Variants in FANCC observed in about 807,000 individuals in gnomAD.
FANCC encodes the protein Fanconi anemia group C protein.
FANCC carries 55 observed loss-of-function variants against 71.3 expected under a neutral mutation model. That is an observed-to-expected ratio of 0.77 (90% CI 0.62 to 0.97). The LOEUF (loss-of-function observed/expected upper bound fraction) is 0.97, where lower values mean the gene tolerates loss of function less well. Among genes scored for constraint, FANCC ranks in the 50% least tolerant of loss-of-function variants. FANCC has a pLI of 0.00. For missense variants in FANCC, 678 were observed against 670.9 expected (o/e 1.01, Z -0.12); for synonymous variants, 275 against 244.9 (o/e 1.12, Z -1.15).
rs568423632 is a variant in FANCC, at chr9:95,215,268, A to G, written c.345+25381T>C. ...GTAAAAGAATTAAATTCCTAAAAACAAGAGCCTCTCTTAGGGGAGCAGAGA... is the reference window on the plus strand; with the variant it reads ...GTAAAAGAATTAAATTCCTAAAAACGAGAGCCTCTCTTAGGGGAGCAGAGA... On this transcript the variant is annotated intron_variant, in intron 4 of 14. Coordinates refer to ENST00000289081, the MANE Select transcript of FANCC (RefSeq NM_000136.3). 3.3e-5 allele frequency among the ~76,000 whole-genome samples: 5 copies of G among 152,276 alleles called. No homozygotes were observed. The East Asian group carries it at 9.7e-4, about 29-fold the overall frequency.
At chr9:95,254,850 C>A (rs1429150235) in intron 1 of FANCC, among the ~76,000 whole-genome samples, 1 of 152,208 alleles carries the variant, frequency 6.6e-6, no homozygotes, top group Non-Finnish European at 1.5e-5. Context: ...GCTGCCAGCA[C>A]AGCAGTCTGA....
intron 1 of FANCC, among the ~76,000 whole-genome samples, chr9:95,264,890 G>A: frequency 6.6e-6 from 1 of 151,832 alleles, no homozygotes; most frequent in East Asian, 1.9e-4. Flanking sequence ...CTTGATGAAA[G>A]CCTGATAACT....
chr9:95,257,255 C>G (rs910475138), intron 1 of FANCC, among the ~76,000 whole-genome samples: 2 of 152,216 alleles, frequency 1.3e-5, no homozygotes, highest in African/African-American at 4.8e-5. Context: ...CCACATCACA[C>G]TTCTGTTAAA....
At chr9:95,151,935 A>AC (rs1554839029) in intron 6 of FANCC, among the ~76,000 whole-genome samples, 2 of 151,820 alleles carry the variant, frequency 1.3e-5, no homozygotes, top group African/African-American at 4.8e-5. Flanking sequence ...CTCAAAAAAA[A>AC]AAAAACAAAA....
intron 1 of FANCC, among the ~76,000 whole-genome samples, chr9:95,280,856 A>T (rs1045689880): frequency 6.6e-6 from 1 of 152,226 alleles, no homozygotes; most frequent in Non-Finnish European, 1.5e-5. Flanking sequence ...AGAGAGATTG[A>T]AATAATTTTT....
intron 4 of FANCC, among the ~76,000 whole-genome samples, chr9:95,215,629 A>G (rs1056380477): frequency 6.6e-6 from 1 of 152,206 alleles, no homozygotes; most frequent in African/African-American, 2.4e-5. Context: ...AGGATAGGTT[A>G]CAAAAGGCTA....
chr9:95,183,757 G>A (rs1025432869), intron 4 of FANCC, among the ~76,000 whole-genome samples: 5 of 152,154 alleles, frequency 3.3e-5, no homozygotes, highest in Non-Finnish European at 5.9e-5. Context: ...CATCCAGGAC[G>A]GACAGGAAAA....
intron 4 of FANCC, among the ~76,000 whole-genome samples, chr9:95,227,834 G>A (rs1437932074): frequency 1.3e-5 from 2 of 152,156 alleles, no homozygotes; most frequent in Admixed American, 6.5e-5. Flanking sequence ...CAAGAAGAAC[G>A]TTTCTAGCTA....
chr9:95,265,593 T>TA (rs1832339912), intron 1 of FANCC, among the ~76,000 whole-genome samples: 1 of 152,206 alleles, frequency 6.6e-6, no homozygotes, highest in African/African-American at 2.4e-5. Context: ...TCACTTCACT[T>TA]ACCTGACAGT....
intron 6 of FANCC, 30 bp from the exon 7 acceptor site, chr9:95,150,117 A>T (rs375740469): frequency 6.2e-7 from 1 of 1,612,628 alleles, no homozygotes; most frequent in Non-Finnish European, 8.5e-7. Context: ...TAATCACTCA[A>T]ATCTAAGAGC....
In FANCC at chr9:95,272,240, G is replaced by A. The variant is rs527780198; in HGVS notation, c.-78-22871C>T. On this transcript the variant is annotated intron_variant, in intron 1 of 14. Transcript: ENST00000289081. Reference sequence around the variant, plus strand: ...GTCACAAGCCACCGCGCCCGGCCCCGCCTCCTCTTTTTTATTGAGGCAACA... The same window carrying A: ...GTCACAAGCCACCGCGCCCGGCCCCACCTCCTCTTTTTTATTGAGGCAACA... Among the ~76,000 whole-genome samples the A allele has an allele frequency of 5.2e-4, 79 of 151,740 alleles. 1 individual carries two copies. Among genetic ancestry groups the A allele is most frequent in the Non-Finnish European group, 9.1e-4 (62 of 67,924 alleles).
chr9:95,102,420 G>C (rs1190448338), intron 14 of FANCC, among the ~76,000 whole-genome samples: 1 of 152,210 alleles, frequency 6.6e-6, no homozygotes, highest in Admixed American at 6.5e-5. Context: ...GTTGGTGCCT[G>C]TAAGTATTTT....
chr9:95,139,962 G>A (rs112306200), intron 7 of FANCC, among the ~76,000 whole-genome samples: 3,422 of 151,552 alleles, frequency 0.023, 141 homozygotes, highest in African/African-American at 0.079. Context: ...ATACGTTAGT[G>A]ACAGAAACGC....
intron 1 of FANCC, chr9:95,292,330 C>T: frequency 4.0e-6 from 3 of 757,108 alleles, no homozygotes; most frequent in Non-Finnish European, 4.9e-6. Flanking sequence ...GGCCGCCCTG[C>T]GGGAGCCATG....
intron 7 of FANCC, among the ~76,000 whole-genome samples, chr9:95,140,481 C>A (rs1588149662): frequency 7.4e-6 from 1 of 135,706 alleles, no homozygotes; most frequent in East Asian, 2.1e-4. Flanking sequence ...TACAAAAAAA[C>A]AAAACAAAAC....
intron 1 of FANCC, among the ~76,000 whole-genome samples, chr9:95,312,526 G>A (rs1350577222): frequency 6.6e-6 from 1 of 152,076 alleles, no homozygotes; most frequent in Non-Finnish European, 1.5e-5. Flanking sequence ...ATAATTTCGT[G>A]TTTTCTGTAG....
chr9:95,268,264 C>T (rs1159928343), intron 1 of FANCC, among the ~76,000 whole-genome samples: 2 of 152,360 alleles, frequency 1.3e-5, no homozygotes, highest in South Asian at 2.1e-4. Context: ...TTGCCCACCA[C>T]ACTTCTCCAG....
intron 4 of FANCC, among the ~76,000 whole-genome samples, chr9:95,232,192 C>G (rs1002568572): frequency 6.6e-6 from 1 of 152,130 alleles, no homozygotes; most frequent in African/African-American, 2.4e-5. Flanking sequence ...ACAACTAGAC[C>G]TCGCAAGAAC....
chr9:95,300,481 C>T (rs1365466618), intron 1 of FANCC, among the ~76,000 whole-genome samples: 13 of 149,962 alleles, frequency 8.7e-5, no homozygotes, highest in African/African-American at 3.2e-4. Flanking sequence ...CAGACAGTCT[C>T]GCTCTGTCGC....
Sources: allele counts gnomAD v4.1 joint callset (sites outside exome capture counted in the v4.1 genomes callset), GRCh38; gene constraint gnomAD v4.1.1; transcripts MANE v1.5; gene names NCBI Gene and HGNC (gene_info 2026-07-23, HGNC 2026-07-21).